The following AGAP1 variants were observed in gnomAD, a reference collection of about 807,000 sequenced individuals.
AGAP1 encodes ArfGAP with GTPase domain, ankyrin repeat and PH domain 1, also known as arf-GAP with GTPase, ANK repeat and PH domain-containing protein 1.
A neutral mutation model predicts 105.3 loss-of-function variants in AGAP1; 29 were observed. That is an observed-to-expected ratio of 0.28 (90% CI 0.21 to 0.38). The LOEUF (loss-of-function observed/expected upper bound fraction) is 0.38, where lower values mean the gene tolerates loss of function less well. Ranked by LOEUF, AGAP1 falls within the 10% of genes least tolerant of loss-of-function variation. The pLI, the probability that AGAP1 is intolerant of heterozygous loss-of-function variation, is 1.00. For synonymous variants in AGAP1, 509 were observed against 485.9 expected (o/e 1.05, Z -0.63); for missense variants, 998 against 1,165.1 (o/e 0.86, Z 2.09).
In AGAP1 at chr2:235,746,086, A is replaced by G. The variant is rs528985977; in HGVS notation, c.538+1247A>G. Among the ~76,000 whole-genome samples the G allele has an allele frequency of 5.0e-4, 76 of 152,228 alleles. No individual in the cohort carries two copies. In the South Asian group the frequency reaches 0.014, roughly 29 times the overall value. On this transcript the variant is annotated intron_variant, in intron 5 of 17. Coordinates refer to ENST00000304032, the MANE Select transcript of AGAP1 (RefSeq NM_001037131.3). ...GGTTGCAGTGAGCTGAGATCACGCC[A>G]TTGCACTCCAGCCTGGGTGACAGAG...
intron 1 of AGAP1, among the ~76,000 whole-genome samples, chr2:235,656,798 T>A (rs1332807241): frequency 6.6e-6 from 1 of 152,196 alleles, no homozygotes; most frequent in African/African-American, 2.4e-5. Flanking sequence ...AATTTTATAT[T>A]TGAGTGCTAT....
At chr2:235,915,070 A>G (rs1288526353) in intron 11 of AGAP1, among the ~76,000 whole-genome samples, 1 of 152,050 alleles carries the variant, frequency 6.6e-6, no homozygotes, top group East Asian at 1.9e-4. Flanking sequence ...AGCCCCCCAC[A>G]CGGTAGGTCT....
At chr2:236,066,801 T>G (rs942131055) in intron 16 of AGAP1, among the ~76,000 whole-genome samples, 43 of 152,164 alleles carry the variant, frequency 2.8e-4, no homozygotes, top group Admixed American at 1.3e-3. Flanking sequence ...CTGTCCCCCC[T>G]CCTGTTTATT....
intron 10 of AGAP1, among the ~76,000 whole-genome samples, chr2:235,885,936 C>T (rs2050254849): frequency 6.6e-6 from 1 of 152,208 alleles, no homozygotes; most frequent in South Asian, 2.1e-4. Context: ...GGAATATAGT[C>T]AGACTGGTTC....
chr2:236,013,578 G>T (rs1466589462), intron 13 of AGAP1, among the ~76,000 whole-genome samples: 4 of 97,010 alleles, frequency 4.1e-5, no homozygotes, highest in African/African-American at 1.8e-4. Context: ...CTCTGGAAGG[G>T]TAAGGGCCTG....
chr2:236,124,212 G>C lies in AGAP1; in HGVS notation c.*90G>C. The C allele has an allele frequency of 7.2e-7, 1 of 1,391,198 alleles. No individual in the cohort carries two copies. The highest frequency in any genetic ancestry group is 9.9e-7 in the Non-Finnish European group (1 of 1,014,954). 86.2% of individuals were successfully genotyped at this position (1,391,198 alleles called of 1,614,324 possible). A position where few individuals can be genotyped will look rare whatever the true frequency, so the allele number is the denominator to read the frequency against. On this transcript the variant is annotated 3_prime_UTR_variant, in exon 18 of 18. Transcript: ENST00000304032. The surrounding 1 kb of genome is among the most constrained non-coding windows in gnomAD (Gnocchi z 5.1). ...GAAGTCGCAGCACGTGAGTCCCGTC[G>C]CATCCCCTCCCTCTTCCTGGTGGCC...
At chr2:236,070,872 G>A (rs1206688136) in intron 16 of AGAP1, among the ~76,000 whole-genome samples, 1 of 152,178 alleles carries the variant, frequency 6.6e-6, no homozygotes, top group Non-Finnish European at 1.5e-5. Flanking sequence ...TTGTCATGGT[G>A]GTTCCATGAC....
intron 16 of AGAP1, among the ~76,000 whole-genome samples, chr2:236,066,791 C>T (rs2058357503): frequency 6.6e-6 from 1 of 152,218 alleles, no homozygotes; most frequent in South Asian, 2.1e-4. Context: ...GGAACTTCCC[C>T]TGTCCCCCCT....
chr2:235,552,284 T>G lies in AGAP1; in HGVS notation c.163+57435T>G, dbSNP rs971109804. Among the ~76,000 whole-genome samples, 1 of 152,188 alleles carries G rather than the reference T, an allele frequency of 6.6e-6. No individual in the cohort carries two copies. The highest frequency in any genetic ancestry group is 2.4e-5 in the African/African-American group (1 of 41,456). On this transcript the variant is annotated intron_variant, in intron 1 of 17. Coordinates refer to ENST00000304032, the MANE Select transcript of AGAP1 (RefSeq NM_001037131.3). This position sits in a 1 kb window ranked among gnomAD's most constrained non-coding sequence, Gnocchi z 5.9. ...TCTGCAGGAAAGAGAGAGACATTGG[T>G]GCCAAGAAATCCTATCGGGGACATT...
chr2:235,837,072 G>A (rs1295773310), intron 9 of AGAP1, among the ~76,000 whole-genome samples: 4 of 152,288 alleles, frequency 2.6e-5, no homozygotes, highest in African/African-American at 4.8e-5. Context: ...CGCAACCTCC[G>A]CCTCCGGGGT....
rs1222390662 is a variant in AGAP1 at position 236,061,663 on chromosome 2, T to A, written c.2114+12382T>A. On this transcript the variant is annotated intron_variant, in intron 16 of 17. Coordinates refer to ENST00000304032, the MANE Select transcript of AGAP1 (RefSeq NM_001037131.3). This position sits in a 1 kb window ranked among gnomAD's most constrained non-coding sequence, Gnocchi z 4.1. ...GCGAAAACAGGCACCTCCATAGTAA[T>A]GCAAAGTAGATTCCTGCTTGCCAGG... Among the ~76,000 whole-genome samples the A allele has an allele frequency of 6.6e-6, 1 of 152,062 alleles. No individual in the cohort carries two copies. The highest frequency in any genetic ancestry group is 1.9e-4 in the East Asian group (1 of 5,172).
chr2:235,638,332 G>C (rs11684462), intron 1 of AGAP1, among the ~76,000 whole-genome samples: 2 of 151,822 alleles, frequency 1.3e-5, no homozygotes, highest in African/African-American at 2.4e-5. Context: ...GCAGCTCTTC[G>C]AACGGGAGCC....
intron 9 of AGAP1, among the ~76,000 whole-genome samples, chr2:235,838,992 C>T (rs548100661): frequency 1.9e-4 from 29 of 152,188 alleles, no homozygotes; most frequent in African/African-American, 6.3e-4. Flanking sequence ...ATTAAGCTAA[C>T]GCGGGTGTAC....
intron 1 of AGAP1, chr2:235,670,115 G>C: frequency 1.8e-6 from 1 of 546,926 alleles, no homozygotes; most frequent in Non-Finnish European, 3.3e-6. Flanking sequence ...CTTGTTGGAC[G>C]GCAGTGGCGA....
In AGAP1 at chr2:236,096,997, T is replaced by C. The variant is rs2059207537; in HGVS notation, c.2115-23195T>C. On this transcript the variant is annotated intron_variant, in intron 16 of 17. Coordinates refer to ENST00000304032, the MANE Select transcript of AGAP1 (RefSeq NM_001037131.3). This position sits in a 1 kb window ranked among gnomAD's most constrained non-coding sequence, Gnocchi z 4.4. ...TGGAAAAAACAAACTTTATTGGTAA[T>C]ATCCTGAAATTCACTTTCAGAAGCC... 6.6e-6 allele frequency among the ~76,000 whole-genome samples: 1 copy of C among 152,222 alleles called. No homozygotes were observed. Among genetic ancestry groups the C allele is most frequent in the Non-Finnish European group, 1.5e-5 (1 of 68,028 alleles).
chr2:235,688,614 G>GGTGGGAA (rs1949585568), intron 1 of AGAP1, among the ~76,000 whole-genome samples: 1 of 152,172 alleles, frequency 6.6e-6, no homozygotes, highest in African/African-American at 2.4e-5. Context: ...GTTATAGGTG[G>GGTGGGAA]GTGGGAAGTG....
intron 1 of AGAP1, among the ~76,000 whole-genome samples, chr2:235,603,799 G>A (rs867921101): frequency 1.3e-4 from 20 of 152,032 alleles, no homozygotes; most frequent in South Asian, 6.2e-4. Context: ...TAAGTGTTTC[G>A]GTTATGCAAC....
chr2:235,624,130 TTTATC>T (rs1946566605), intron 1 of AGAP1, among the ~76,000 whole-genome samples: 2 of 152,340 alleles, frequency 1.3e-5, no homozygotes, highest in South Asian at 4.2e-4. Flanking sequence ...AAATGTACAT[TTTATC>T]TTAACCGTTG....
At chr2:236,021,098 A>G (rs1338791332) in intron 13 of AGAP1, among the ~76,000 whole-genome samples, 2 of 151,074 alleles carry the variant, frequency 1.3e-5, no homozygotes, top group Middle Eastern at 6.8e-3. Context: ...CCAGGGAGGC[A>G]GAGGTTGCAG....
Sources: gnomAD v4.1 joint callset for allele counts (sites outside exome capture counted in the v4.1 genomes callset) on GRCh38, gnomAD v4.1.1 for gene constraint, Gnocchi (gnomAD v3.1) non-coding constraint, MANE v1.5 for transcripts, NCBI Gene and HGNC (gene_info 2026-07-23, HGNC 2026-07-21) for gene names.